MDC1: variants seen among roughly 807,000 people sequenced by gnomAD.
MDC1 encodes mediator of DNA damage checkpoint protein 1.
MDC1 carries 81 observed loss-of-function variants against 142.5 expected under a neutral mutation model. The ratio of observed to expected loss-of-function variants is 0.57; its 90% CI spans 0.47 to 0.68. The LOEUF (loss-of-function observed/expected upper bound fraction) is 0.68, where lower values mean the gene tolerates loss of function less well. Among genes scored for constraint, MDC1 ranks in the 30% least tolerant of loss-of-function variants. The pLI is 0.00. For missense variants in MDC1, 2,119 were observed against 2,547.9 expected, an observed-to-expected ratio of 0.83 and a Z score of 3.62; for synonymous variants, 797 against 968.4, an observed-to-expected ratio of 0.82 and a Z score of 3.29.
At chr6:30,714,306 C>T in intron 2 of MDC1, 123 bp from the exon 3 acceptor site, 1 of 1,054,950 alleles carries the variant, frequency 9.5e-7, no homozygotes, top group Non-Finnish European at 1.3e-6. Flanking sequence ...AAATAAAAGG[C>T]CCTAGGACAT....
In MDC1 at chr6:30,708,264, A is replaced by C. The variant is rs757593728; in HGVS notation, c.2315T>G (p.Leu772Arg). Residue 772 changes from leucine to arginine, a missense_variant, in exon 8 of 15, where the codon CTT (leucine) becomes CGT (arginine). Coordinates refer to ENST00000376406, the MANE Select transcript of MDC1 (RefSeq NM_014641.3). Reference sequence around the variant, plus strand: ...AGACAGGCAAGGTCCATAGGCCTCAAGGTGCGTGTCAAAAGGCTGGGTCTC... The same window carrying C: ...AGACAGGCAAGGTCCATAGGCCTCACGGTGCGTGTCAAAAGGCTGGGTCTC... ...DSETQPFDTH[L>R]EAYGPCLSPP... 1 of 1,612,996 alleles carries C rather than the reference A, an allele frequency of 6.2e-7. No individual in the cohort carries two copies. Among genetic ancestry groups the C allele is most frequent in the South Asian group, 1.1e-5 (1 of 91,086 alleles).
intron 5 of MDC1, 23 bp downstream of exon 5, chr6:30,711,850 CT>C: frequency 6.5e-7 from 1 of 1,542,714 alleles, no homozygotes; most frequent in South Asian, 1.3e-5. Context: ...TTTCAGAGGT[CT>C]AGGAAGGAAG....
chr6:30,716,368 C>T lies in MDC1; in HGVS notation c.-4+877G>A, dbSNP rs138992005. Among the ~76,000 whole-genome samples, 1,641 of 152,204 alleles carry T rather than the reference C, an allele frequency of 0.011. 14 individuals are homozygous for T. Among genetic ancestry groups the T allele is most frequent in the Middle Eastern group, 0.034 (10 of 294 alleles). Reference sequence around the variant, plus strand: ...CCTCCCGAGCAGCTGGGATTACAGGCGCCCGGCATCACGCCTGGCTAATTT... The same window carrying T: ...CCTCCCGAGCAGCTGGGATTACAGGTGCCCGGCATCACGCCTGGCTAATTT... On this transcript the variant is annotated intron_variant, in intron 1 of 14. Coordinates refer to ENST00000376406, the MANE Select transcript of MDC1 (RefSeq NM_014641.3). This position sits in a 1 kb window ranked among gnomAD's most constrained non-coding sequence, Gnocchi z 4.4.
At position 30,712,392 on chromosome 6, in the gene MDC1, G is replaced by A. The variant is rs1232451295; in HGVS notation, c.1550C>T (p.Thr517Ile). 2.5e-6 allele frequency: 4 copies of A among 1,613,132 alleles called. No individual in the cohort carries two copies. The highest frequency in any genetic ancestry group is 3.4e-6 in the Non-Finnish European group (4 of 1,180,048). ...CACTTGTGTGTTGATGTCCACTGTG[G>A]TGGAGGCTTGGCTTCTCTCCAGGTG... is the stretch of plus-strand genomic sequence containing the variant. ...GIHLERSQAS[T>I]TVDINTQVEK... The change falls in exon 5 of 15, where the codon ACC becomes ATC. Residue 517 changes from threonine to isoleucine, a missense_variant. Physicochemically the swap from Thr to Ile is moderately conservative, Grantham distance 89 (BLOSUM62 -1). Coordinates refer to ENST00000376406, the MANE Select transcript of MDC1 (RefSeq NM_014641.3). This position sits in a 1 kb window ranked among gnomAD's most constrained non-coding sequence, Gnocchi z 4.7.
rs1775162624 is a variant in MDC1, at chr6:30,713,101, C to T, written c.841G>A (p.Gly281Arg). ...AGAATCACCCCAGCTGGAACCACCC[C>T]ATTCCCTGCACCCCTCTTGACTTTT... is the stretch of plus-strand genomic sequence containing the variant. Reference protein sequence around the residue: ...DTKVKRGAGNGVVPAGVILER... With the variant: ...DTKVKRGAGNRVVPAGVILER... The change falls in exon 5 of 15, where the codon GGG becomes AGG. Residue 281 changes from glycine to arginine, a missense_variant. By Grantham distance (125) the Gly-to-Arg change is moderately radical. Coordinates refer to ENST00000376406, the MANE Select transcript of MDC1 (RefSeq NM_014641.3). This position sits in a 1 kb window ranked among gnomAD's most constrained non-coding sequence, Gnocchi z 4.9. The T allele has an allele frequency of 6.2e-7, 1 of 1,613,048 alleles. No homozygotes were observed. Among genetic ancestry groups the T allele is most frequent in the African/African-American group, 1.3e-5 (1 of 74,948 alleles).
rs759278911 is a variant in MDC1 at position 30,704,106 on chromosome 6, G to T, written c.5077C>A (p.Pro1693Thr). The change falls in exon 10 of 15, where the codon CCG becomes ACG. Residue 1693 changes from proline (P) to threonine (T), a missense_variant. Physicochemically the swap from Pro to Thr is conservative, Grantham distance 38. Transcript: ENST00000376406. ...TLRSSTVRAMPVPTTPEFQSP... is the reference protein window; with the variant it reads ...TLRSSTVRAMTVPTTPEFQSP... The stretch of plus-strand genomic sequence containing the variant: ...TGGAATTCAGGGGTGGTAGGAACCG[G>T]CATAGCTCTTACTGTGGAAGACCTC... 3 of 1,614,054 alleles carry T rather than the reference G, an allele frequency of 1.9e-6. No homozygotes were observed. The highest frequency in any genetic ancestry group is 1.7e-6 in the Non-Finnish European group (2 of 1,179,984).
At position 30,705,634 on chromosome 6, in the gene MDC1, T is replaced by C; in HGVS notation, c.3549A>G (p.Thr1183=). The change falls in exon 10 of 15, where the codon ACA becomes ACG. Residue 1183 remains threonine, a synonymous_variant. Transcript: ENST00000376406. ...STDQPVTSEP[T]SQVTRGRKSR... ...TTTTTCTTCCCCTAGTAACCTGAGA[T>C]GTGGGCTCAGAGGTGACAGGCTGGT... 6.2e-7 allele frequency: 1 copy of C among 1,602,954 alleles called. No individual in the cohort carries two copies. Among genetic ancestry groups the C allele is most frequent in the Non-Finnish European group, 8.5e-7 (1 of 1,175,414 alleles).
At position 30,704,041 on chromosome 6, in the gene MDC1, A is replaced by G. The variant is rs1773259895; in HGVS notation, c.5142T>C (p.Pro1714=). The G allele has an allele frequency of 6.2e-7, 1 of 1,614,172 alleles. No individual in the cohort carries two copies. The highest frequency in any genetic ancestry group is 8.5e-7 in the Non-Finnish European group (1 of 1,180,038). The stretch of plus-strand genomic sequence containing the variant: ...TCTTGATGCAACTGGGTTGAGTAAT[A>G]GGCTCAGGGGAAATAGGCTGGTCTG... ...VTTDQPISPE[P]ITQPSCIKRQ... is the part of the protein sequence containing the mutation. The change falls in exon 10 of 15, where the codon CCT becomes CCC. Residue 1714 remains proline, a synonymous_variant. Coordinates refer to ENST00000376406, the MANE Select transcript of MDC1 (RefSeq NM_014641.3).
At chr6:30,711,786 TTAAA>T in intron 5 of MDC1, 60 bp from the exon 6 acceptor site, 1 of 1,582,510 alleles carries the variant, frequency 6.3e-7, no homozygotes. Context: ...ACTAAACTCC[TTAAA>T]TAATCTCTAC....
rs1361294116 is a variant in MDC1 at position 30,707,787 on chromosome 6, G to C, written c.2792C>G (p.Ala931Gly). The C allele has an allele frequency of 1.2e-6, 2 of 1,613,006 alleles. No individual in the cohort carries two copies. Among genetic ancestry groups the C allele is most frequent in the South Asian group, 2.2e-5 (2 of 91,080 alleles). ...RPVANRECDP[A>G]ELEEKVPKVI... ...TTTGGGCACCTTCTCTTCTAACTCG[G>C]CTGGATCGCACTCTCTGTTTGCTAC... Residue 931 changes from alanine (A) to glycine (G), a missense_variant, in exon 8 of 15, where the codon GCC becomes GGC. Physicochemically the swap from Ala to Gly is moderately conservative, Grantham distance 60. Coordinates refer to ENST00000376406, the MANE Select transcript of MDC1 (RefSeq NM_014641.3).
In MDC1 at chr6:30,713,775, C is replaced by T. The variant is rs1775268501; in HGVS notation, c.517+28G>A. 2 of 1,613,530 alleles carry T rather than the reference C, an allele frequency of 1.2e-6. No individual in the cohort carries two copies. Among genetic ancestry groups the T allele is most frequent in the East Asian group, 2.2e-5 (1 of 44,880 alleles). On this transcript the variant is annotated intron_variant, in intron 3 of 14. Transcript: ENST00000376406. This position sits in a 1 kb window ranked among gnomAD's most constrained non-coding sequence, Gnocchi z 4.9. ...TGTACACTCATTATTCCTGTCTCCT[C>T]ATTCTCCCTGCCAATATACAAACTT... is the stretch of plus-strand genomic sequence containing the variant.
In MDC1 at chr6:30,703,053, A is replaced by G. The variant is rs762416337; in HGVS notation, c.5865+51T>C. The G allele has an allele frequency of 2.5e-6, 4 of 1,591,182 alleles. No individual in the cohort carries two copies. In the East Asian group the frequency reaches 9.0e-5, roughly 36 times the overall value. On this transcript the variant is annotated intron_variant, in intron 12 of 14. Transcript: ENST00000376406. The surrounding 1 kb of genome is among the most constrained non-coding windows in gnomAD (Gnocchi z 4.4). ...CTTCCACCACTTTCTAGGGCACTAT[A>G]TGAGCAGTCTTGCCACTATATCGGT...
intron 5 of MDC1, 26 bp from the exon 6 acceptor site, chr6:30,711,752 T>G (rs1296349689): frequency 1.2e-6 from 2 of 1,601,254 alleles, no homozygotes; most frequent in Admixed American, 3.5e-5. Flanking sequence ...TATAAGACAG[T>G]TTAAAACAAA....
rs898560416 is a variant in MDC1 at position 30,709,578 on chromosome 6, A to G, written c.2222-1221T>C. Among the ~76,000 whole-genome samples the G allele has an allele frequency of 1.3e-5, 2 of 152,244 alleles. No individual in the cohort carries two copies. Among genetic ancestry groups the G allele is most frequent in the African/African-American group, 4.8e-5 (2 of 41,472 alleles). ...ACACAATAAATTATTAACTATAGTA[A>G]CACTACTGTGGAACTGAACACTAGA... On this transcript the variant is annotated intron_variant, in intron 7 of 14. Transcript: ENST00000376406. This position sits in a 1 kb window ranked among gnomAD's most constrained non-coding sequence, Gnocchi z 4.2.
intron 6 of MDC1, 75 bp from the exon 7 acceptor site, chr6:30,711,579 C>G: frequency 6.3e-7 from 1 of 1,596,084 alleles, no homozygotes; most frequent in Non-Finnish European, 8.6e-7. Context: ...TCCTACCCTA[C>G]CCATACTAGC....
In MDC1 at chr6:30,709,155, C is replaced by A. The variant is rs1774429985; in HGVS notation, c.2222-798G>T. ...GCTCAGGAGATCCTCCCACCTCAGC[C>A]TCCCAAGTAGCTGGGACTACGGCAT... On this transcript the variant is annotated intron_variant, in intron 7 of 14. Coordinates refer to ENST00000376406, the MANE Select transcript of MDC1 (RefSeq NM_014641.3). The surrounding 1 kb of genome is among the most constrained non-coding windows in gnomAD (Gnocchi z 4.2). Among the ~76,000 whole-genome samples, 1 of 152,204 alleles carries A rather than the reference C, an allele frequency of 6.6e-6. No individual in the cohort carries two copies. Among genetic ancestry groups the A allele is most frequent in the Admixed American group, 6.5e-5 (1 of 15,282 alleles).
At position 30,702,575 on chromosome 6, in the gene MDC1, G is replaced by A. The variant is rs1772940558; in HGVS notation, c.6080C>T (p.Pro2027Leu). 1.9e-6 allele frequency: 3 copies of A among 1,604,078 alleles called. No individual in the cohort carries two copies. In the South Asian group the frequency reaches 3.4e-5, roughly 18 times the overall value. Reference protein sequence around the residue: ...IISCCGGTYLPSMPRSYKPQR... With the variant: ...IISCCGGTYLLSMPRSYKPQR... ...TACCTTATAGGACCGAGGCATGCTG[G>A]GTAGGTATGTGCCTCCACAGCAGCT... The change falls in exon 14 of 15, where the codon CCC (proline) becomes CTC (leucine). Residue 2027 changes from proline (P) to leucine (L), a missense_variant. Pro to Leu is a moderately conservative substitution (Grantham distance 98). Coordinates refer to ENST00000376406, the MANE Select transcript of MDC1 (RefSeq NM_014641.3).
chr6:30,701,174 G>A (rs1398183617), intron 14 of MDC1, among the ~76,000 whole-genome samples: 2 of 152,054 alleles, frequency 1.3e-5, no homozygotes, highest in African/African-American at 2.4e-5. Context: ...AGGCCGAGGT[G>A]GGTGGATCAC....
chr6:30,712,111 C>T lies in MDC1; in HGVS notation c.1831G>A (p.Ala611Thr). 6.2e-7 allele frequency: 1 copy of T among 1,605,110 alleles called. No individual in the cohort carries two copies. Among genetic ancestry groups the T allele is most frequent in the South Asian group, 1.1e-5 (1 of 89,576 alleles). The change falls in exon 5 of 15, where the codon GCT becomes ACT. Residue 611 changes from alanine (A) to threonine (T), a missense_variant. Ala to Thr is a moderately conservative substitution (Grantham distance 58). Transcript: ENST00000376406. This position sits in a 1 kb window ranked among gnomAD's most constrained non-coding sequence, Gnocchi z 4.7. The part of the protein sequence containing the change: ...PAEGDAGAEW[A>T]AAVLKQERAH... The stretch of plus-strand genomic sequence containing the variant: ...CTCTCCTGCTTAAGAACAGCTGCAG[C>T]CCACTCTGCCCCAGCATCCCCTTCT...
Sources: gnomAD v4.1 joint callset for allele counts (sites outside exome capture counted in the v4.1 genomes callset) on GRCh38, gnomAD v4.1.1 for gene constraint, Gnocchi (gnomAD v3.1) non-coding constraint, MANE v1.5 for transcripts, NCBI Gene and HGNC (gene_info 2026-07-23, HGNC 2026-07-21) for gene names.